Variants in DGKI observed in about 807,000 individuals in gnomAD.
The protein encoded by DGKI is DAG kinase iota.
DGKI carries 55 observed loss-of-function variants against 147.5 expected under a neutral mutation model. The ratio of observed to expected loss-of-function variants is 0.37; its 90% CI spans 0.30 to 0.47. DGKI has a LOEUF of 0.47. Ranked by LOEUF, DGKI falls within the 20% of genes least tolerant of loss-of-function variation. The probability of loss-of-function intolerance (pLI) is 1.00; values close to 1 mark genes in which losing one functional copy is unlikely to be tolerated. For synonymous variants in DGKI, 469 were observed against 477.1 expected, an observed-to-expected ratio of 0.98 and a Z score of 0.22; for missense variants, 1,007 against 1,323.8, an observed-to-expected ratio of 0.76 and a Z score of 3.71.
rs1585131616 is a variant in DGKI, at chr7:137,456,169, G to A, written c.2735+7320C>T. On this transcript the variant is annotated intron_variant, in intron 27 of 32. Transcript: ENST00000614521. ...ATACTTACCTTTTACTTTCTCGCTT[G>A]TGAAATACCAACATTTCTCCAAGTC... is the stretch of plus-strand genomic sequence containing the variant. Among the ~76,000 whole-genome samples the A allele has an allele frequency of 2.0e-5, 3 of 152,200 alleles. No homozygotes were observed. In the East Asian group the frequency reaches 5.8e-4, roughly 29 times the overall value.
At chr7:137,484,101 C>G (rs897609859) in intron 23 of DGKI, among the ~76,000 whole-genome samples, 1 of 151,940 alleles carries the variant, frequency 6.6e-6, no homozygotes, top group Non-Finnish European at 1.5e-5. Flanking sequence ...CAAGGCCAGA[C>G]AGATGGAAGA....
At chr7:137,600,728 C>T (rs1464526480) in intron 10 of DGKI, among the ~76,000 whole-genome samples, 1 of 152,018 alleles carries the variant, frequency 6.6e-6, no homozygotes, top group Non-Finnish European at 1.5e-5. Context: ...ATAGTTTTTT[C>T]TAACTGAAGC....
chr7:137,638,064 A>G (rs6947756), intron 6 of DGKI, among the ~76,000 whole-genome samples: 9,925 of 152,144 alleles, frequency 0.065, 991 homozygotes, highest in African/African-American at 0.21. Context: ...GACAAACGGT[A>G]AATGAGGATT....
chr7:137,517,337 A>AAG (rs1278420755), intron 21 of DGKI, among the ~76,000 whole-genome samples: 2 of 116,702 alleles, frequency 1.7e-5, no homozygotes, highest in African/African-American at 3.1e-5. Flanking sequence ...GAAAGAAAGA[A>AAG]AGAGAAAGAA....
At chr7:137,798,456 C>T (rs1031130778) in intron 1 of DGKI, among the ~76,000 whole-genome samples, 3 of 152,132 alleles carry the variant, frequency 2.0e-5, no homozygotes, top group African/African-American at 7.2e-5. Flanking sequence ...GGATCTCAGT[C>T]CATCACCCAG....
chr7:137,569,849 T>C (rs964002595), intron 19 of DGKI, among the ~76,000 whole-genome samples: 1 of 139,840 alleles, frequency 7.2e-6, no homozygotes, highest in Non-Finnish European at 1.5e-5. Flanking sequence ...GCAATAAACA[T>C]AAAAAGCTCT....
chr7:137,553,529 T>C (rs1188098506), intron 19 of DGKI, among the ~76,000 whole-genome samples: 2 of 150,822 alleles, frequency 1.3e-5, no homozygotes, highest in Non-Finnish European at 2.9e-5. Flanking sequence ...AGCAACACAT[T>C]TGTATAACCT....
chr7:137,704,812 T>C lies in DGKI; in HGVS notation c.402-14810A>G, dbSNP rs114161098. Among the ~76,000 whole-genome samples the C allele has an allele frequency of 2.4e-3, 361 of 152,228 alleles. 1 individual carries two copies. The highest frequency in any genetic ancestry group is 8.4e-3 in the African/African-American group (350 of 41,540). ...ACATGCAAGGCATCCTTCATACTAATGGATGGTTTCTTCAGAAAATATGGA... is the reference window on the plus strand; with the variant it reads ...ACATGCAAGGCATCCTTCATACTAACGGATGGTTTCTTCAGAAAATATGGA... On this transcript the variant is annotated intron_variant, in intron 1 of 32. Transcript: ENST00000614521.
chr7:137,592,449 G>A (rs777476223), intron 12 of DGKI, among the ~76,000 whole-genome samples: 3 of 152,196 alleles, frequency 2.0e-5, no homozygotes, highest in Non-Finnish European at 4.4e-5. Context: ...GCAGCAGCTG[G>A]TCAATGCTGC....
chr7:137,464,662 T>C (rs1223751123), intron 26 of DGKI, among the ~76,000 whole-genome samples: 1 of 152,252 alleles, frequency 6.6e-6, no homozygotes. Flanking sequence ...TTGGTACATA[T>C]TGGACATCAA....
intron 1 of DGKI, among the ~76,000 whole-genome samples, chr7:137,749,799 C>T (rs1795443901): frequency 1.3e-5 from 2 of 152,248 alleles, no homozygotes; most frequent in South Asian, 4.1e-4. Flanking sequence ...CTTCCAATCA[C>T]ATCCCTAAAT....
chr7:137,534,172 G>T lies in DGKI; in HGVS notation c.2148-12206C>A, dbSNP rs115050019. 2.3e-3 allele frequency among the ~76,000 whole-genome samples: 347 copies of T among 152,182 alleles called. 2 individuals are homozygous for T. The highest frequency in any genetic ancestry group is 8.1e-3 in the African/African-American group (338 of 41,538). ...ATTATTTGGATTATTTGTTTGGAAC[G>T]CTCAAAACGAACATCTAGGTTTCTT... On this transcript the variant is annotated intron_variant, in intron 20 of 32. Coordinates refer to ENST00000614521, the MANE Select transcript of DGKI (RefSeq NM_001321708.2).
chr7:137,783,865 T>G (rs1389694534), intron 1 of DGKI, among the ~76,000 whole-genome samples: 1 of 152,320 alleles, frequency 6.6e-6, no homozygotes, highest in East Asian at 1.9e-4. Context: ...GAATTTTGTA[T>G]CCAGTGAAAC....
chr7:137,612,545 T>G (rs1263102520), intron 8 of DGKI, among the ~76,000 whole-genome samples: 1 of 152,072 alleles, frequency 6.6e-6, no homozygotes, highest in African/African-American at 2.4e-5. Flanking sequence ...TAGGAACAGA[T>G]GGGTTTGAAG....
At chr7:137,538,700 A>G (rs989677579) in intron 20 of DGKI, among the ~76,000 whole-genome samples, 1 of 152,132 alleles carries the variant, frequency 6.6e-6, no homozygotes, top group Non-Finnish European at 1.5e-5. Context: ...AAAACAGGGG[A>G]GATCTTATCC....
chr7:137,783,678 G>A, intron 1 of DGKI, among the ~76,000 whole-genome samples: 1 of 152,198 alleles, frequency 6.6e-6, no homozygotes, highest in East Asian at 1.9e-4. Flanking sequence ...ATAGTTGTCA[G>A]GTTATCCAAA....
intron 27 of DGKI, among the ~76,000 whole-genome samples, chr7:137,458,023 T>C (rs1220141054): frequency 6.6e-6 from 1 of 152,212 alleles, no homozygotes; most frequent in African/African-American, 2.4e-5. Flanking sequence ...ATAATTGGTT[T>C]AATATTTCCC....
At chr7:137,421,818 T>C (rs1812582453) in intron 28 of DGKI, among the ~76,000 whole-genome samples, 1 of 152,222 alleles carries the variant, frequency 6.6e-6, no homozygotes, top group East Asian at 1.9e-4. Flanking sequence ...GCTTAATAAA[T>C]AGTTGGTTGA....
At chr7:137,424,629 G>A (rs1812711688) in intron 28 of DGKI, among the ~76,000 whole-genome samples, 1 of 152,172 alleles carries the variant, frequency 6.6e-6, no homozygotes, top group African/African-American at 2.4e-5. Flanking sequence ...AGTTCCCTTT[G>A]CTAGTCAGAG....
Sources: allele counts gnomAD v4.1 joint callset (sites outside exome capture counted in the v4.1 genomes callset), GRCh38; gene constraint gnomAD v4.1.1; transcripts MANE v1.5; gene names NCBI Gene and HGNC (gene_info 2026-07-23, HGNC 2026-07-21).